Variants in SNX29 observed in about 807,000 individuals in gnomAD.
SNX29 encodes sorting nexin-29.
SNX29 carries 78 observed loss-of-function variants against 102.1 expected under a neutral mutation model. That is an observed-to-expected ratio of 0.76 (90% CI 0.64 to 0.92). The LOEUF is 0.92. SNX29 is among the 40% of genes least tolerant of loss of function. SNX29 has a pLI of 0.00. For synonymous variants in SNX29, 580 were observed against 414.5 expected (o/e 1.40, Z -4.85); for missense variants, 1,280 against 1,061.7 (o/e 1.21, Z -2.86).
intron 20 of SNX29, among the ~76,000 whole-genome samples, chr16:12,541,880 G>C (rs910346931): frequency 1.3e-5 from 2 of 152,174 alleles, no homozygotes; most frequent in Non-Finnish European, 2.9e-5. Flanking sequence ...AATGCTTGAT[G>C]AATGTTTATG....
intron 13 of SNX29, among the ~76,000 whole-genome samples, chr16:12,134,855 A>G (rs1420884138): frequency 6.6e-6 from 1 of 152,210 alleles, no homozygotes; most frequent in Admixed American, 6.5e-5. Flanking sequence ...GGATGTATGT[A>G]TATCTCTAGA....
intron 18 of SNX29, among the ~76,000 whole-genome samples, chr16:12,411,575 A>G (rs556219444): frequency 4.9e-4 from 74 of 152,338 alleles, no homozygotes; most frequent in African/African-American, 1.6e-3. Flanking sequence ...CCCTTCCAGT[A>G]TAAAGCCTTT....
chr16:11,983,567 C>T (rs534482039), intron 1 of SNX29: 1 of 779,242 alleles, frequency 1.3e-6, no homozygotes, highest in African/African-American at 1.9e-5. Context: ...CTTGTGAAGG[C>T]ACTGGATTGA....
chr16:11,999,821 A>G (rs1046005064), intron 2 of SNX29, among the ~76,000 whole-genome samples: 1 of 151,852 alleles, frequency 6.6e-6, no homozygotes, highest in African/African-American at 2.4e-5. Context: ...GAATTGCTTG[A>G]ACCTGGTAGG....
intron 15 of SNX29, among the ~76,000 whole-genome samples, chr16:12,337,689 GC>G (rs2081493438): frequency 6.6e-6 from 1 of 152,142 alleles, no homozygotes; most frequent in African/African-American, 2.4e-5. Context: ...TGACCCATTT[GC>G]CCCAGATTTT....
chr16:12,093,820 T>A (rs2151417526), intron 11 of SNX29: 1 of 152,322 alleles, frequency 6.6e-6, no homozygotes, highest in East Asian at 1.9e-4. Context: ...GCTTGTGTGT[T>A]TGTGCACATA....
intron 16 of SNX29, among the ~76,000 whole-genome samples, chr16:12,364,457 T>C (rs1597086166): frequency 6.6e-6 from 1 of 151,902 alleles, no homozygotes; most frequent in African/African-American, 2.4e-5. Flanking sequence ...AGGACTCTTA[T>C]TATGTTTTTC....
intron 16 of SNX29, among the ~76,000 whole-genome samples, chr16:12,388,944 G>C (rs1000604528): frequency 6.6e-5 from 10 of 152,270 alleles, no homozygotes; most frequent in African/African-American, 2.2e-4. Context: ...GATCAACCCA[G>C]GTGTATCTAA....
At chr16:12,227,002 A>C (rs1434591839) in intron 14 of SNX29, among the ~76,000 whole-genome samples, 3 of 152,150 alleles carry the variant, frequency 2.0e-5, no homozygotes, top group Non-Finnish European at 2.9e-5. Context: ...TTGAAAGGGA[A>C]ATTTGGACTT....
At chr16:12,016,246 T>C (rs1340485022) in intron 3 of SNX29, among the ~76,000 whole-genome samples, 1 of 152,212 alleles carries the variant, frequency 6.6e-6, no homozygotes, top group East Asian at 1.9e-4. Context: ...ACTGACTTTG[T>C]TTCTGATTTT....
chr16:12,179,682 A>G (rs997649802), intron 13 of SNX29, among the ~76,000 whole-genome samples: 1 of 152,164 alleles, frequency 6.6e-6, no homozygotes, highest in African/African-American at 2.4e-5. Context: ...GGTTATTGCA[A>G]GCTTCATCTG....
intron 19 of SNX29, among the ~76,000 whole-genome samples, chr16:12,515,305 C>G (rs1282648154): frequency 8.5e-5 from 13 of 152,148 alleles, no homozygotes; most frequent in Non-Finnish European, 1.0e-4. Context: ...ATCCACAGGT[C>G]TCATTTATCT....
In SNX29 at chr16:12,103,689, A is replaced by G. The variant is rs1596893043; in HGVS notation, c.1403-22944A>G. 2.6e-5 allele frequency among the ~76,000 whole-genome samples: 4 copies of G among 152,364 alleles called. No homozygotes were observed. The South Asian group carries it at 8.3e-4, about 32-fold the overall frequency. Reference sequence around the variant, plus strand: ...ATGGCAACAAAAACCAAAATTGACAAATGGGATCTAATTAAACTACAGAGC... The same window carrying G: ...ATGGCAACAAAAACCAAAATTGACAGATGGGATCTAATTAAACTACAGAGC... On this transcript the variant is annotated intron_variant, in intron 11 of 20. Transcript: ENST00000566228.
chr16:12,540,040 T>C (rs1794307), intron 20 of SNX29, among the ~76,000 whole-genome samples: 19,385 of 152,242 alleles, frequency 0.13, 1,433 homozygotes, highest in Non-Finnish European at 0.16. Flanking sequence ...TGATGAAATT[T>C]ACTTTTTGTG....
intron 18 of SNX29, among the ~76,000 whole-genome samples, chr16:12,427,937 G>C (rs1257365326): frequency 2.0e-5 from 3 of 152,306 alleles, no homozygotes; most frequent in East Asian, 1.9e-4. Flanking sequence ...GCAGTTACCC[G>C]AAGCACAGCT....
At chr16:12,091,020 AAAAAAAAAAAAAAAAAAAG>A (rs2052503704) in intron 11 of SNX29, among the ~76,000 whole-genome samples, 1 of 129,818 alleles carries the variant, frequency 7.7e-6, no homozygotes, top group African/African-American at 3.0e-5. Flanking sequence ...ATCTCAAAAA[AAAAAAAAAAAAAAAAAAAG>A]AAAGAAAAAG....
At chr16:12,533,426 C>G (rs762929424) in intron 20 of SNX29, among the ~76,000 whole-genome samples, 2 of 152,124 alleles carry the variant, frequency 1.3e-5, no homozygotes, top group African/African-American at 2.4e-5. Flanking sequence ...TATTTCCACC[C>G]CACAGGAGGT....
intron 20 of SNX29, among the ~76,000 whole-genome samples, chr16:12,543,394 G>T (rs1274743285): frequency 1.3e-5 from 2 of 152,318 alleles, no homozygotes; most frequent in Non-Finnish European, 2.9e-5. Flanking sequence ...TATCCAGAAG[G>T]AGGGGGCCCG....
At chr16:12,275,883 T>TTG (rs2079232015) in intron 14 of SNX29, among the ~76,000 whole-genome samples, 1 of 25,742 alleles carries the variant, frequency 3.9e-5, no homozygotes, top group Non-Finnish European at 9.3e-5. Flanking sequence ...TTTTAATTGT[T>TTG]TTTTTTTTTT....
Sources: allele counts gnomAD v4.1 joint callset (sites outside exome capture counted in the v4.1 genomes callset), GRCh38; gene constraint gnomAD v4.1.1; transcripts MANE v1.5; gene names NCBI Gene and HGNC (gene_info 2026-07-23, HGNC 2026-07-21).